CACNA2D3: variants seen among roughly 807,000 people sequenced by gnomAD.
CACNA2D3 encodes the protein calcium voltage-gated channel auxiliary subunit alpha2delta 3.
Under a neutral mutation model 160.6 loss-of-function variants are expected in CACNA2D3, and 60 were observed. The observed-to-expected ratio is 0.37, with a 90% CI of 0.30 to 0.46. CACNA2D3 has a LOEUF of 0.46. Ranked by LOEUF, CACNA2D3 falls within the 20% of genes least tolerant of loss-of-function variation. The probability of loss-of-function intolerance (pLI) is 1.00; values close to 1 mark genes in which losing one functional copy is unlikely to be tolerated. For synonymous variants in CACNA2D3, 558 were observed against 492.9 expected, an observed-to-expected ratio of 1.13 and a Z score of -1.75; for missense variants, 1,205 against 1,365.0, an observed-to-expected ratio of 0.88 and a Z score of 1.85.
intron 35 of CACNA2D3, among the ~76,000 whole-genome samples, chr3:55,020,737 A>G (rs358032): frequency 0.44 from 66,229 of 151,434 alleles, 16,565 homozygotes; most frequent in African/African-American, 0.7. Flanking sequence ...TGTAATCCCA[A>G]CTACTCGGGA....
At chr3:54,905,192 C>CT (rs1409483048) in intron 27 of CACNA2D3, among the ~76,000 whole-genome samples, 1 of 152,128 alleles carries the variant, frequency 6.6e-6, no homozygotes, top group East Asian at 1.9e-4. Flanking sequence ...ACACAGAACA[C>CT]TTTAGATCTG....
chr3:55,009,735 G>A (rs986730485), intron 34 of CACNA2D3, among the ~76,000 whole-genome samples: 2 of 152,170 alleles, frequency 1.3e-5, no homozygotes, highest in African/African-American at 2.4e-5. Context: ...AAGCTCATGG[G>A]CAATGCTGAA....
chr3:54,736,083 G>GTATATATATATACATACATATA lies in CACNA2D3; in HGVS notation c.1168-16513_1168-16512insATATATATACATACATATATAT, dbSNP rs1265902604. ...TATGTATATATATATACATATATAT[G>GTATATATATATACATACATATA]TATGTGTATATATATACATATATAT... On this transcript the variant is annotated intron_variant, in intron 11 of 37. Transcript: ENST00000474759. Among the ~76,000 whole-genome samples the GTATATATATATACATACATATA allele has an allele frequency of 6.1e-4, 21 of 34,222 alleles. 3 individuals are homozygous for GTATATATATATACATACATATA. Among genetic ancestry groups the GTATATATATATACATACATATA allele is most frequent in the East Asian group, 1.0e-3 (2 of 1,960 alleles). The allele number at this position is 34,222 out of a possible 152,430, so 22.5% of individuals were successfully genotyped here.
intron 13 of CACNA2D3, among the ~76,000 whole-genome samples, chr3:54,771,789 CAAG>C (rs909998496): frequency 1.3e-5 from 2 of 151,900 alleles, no homozygotes; most frequent in African/African-American, 2.4e-5. Context: ...AGCTTACACT[CAAG>C]GAGAGGGAAT....
chr3:54,218,298 C>T (rs1278443637), intron 2 of CACNA2D3, among the ~76,000 whole-genome samples: 1 of 152,212 alleles, frequency 6.6e-6, no homozygotes, highest in African/African-American at 2.4e-5. Flanking sequence ...ACCACCTAGA[C>T]TGGCACATGC....
rs144326215 is a variant in CACNA2D3 at position 54,905,615 on chromosome 3, G to A, written c.2449+5747G>A. Reference sequence around the variant, plus strand: ...CTGATTAAACCAGTAGTTTCCAACCGGGGGTGATTTTGCCACCAGGGGACA... The same window carrying A: ...CTGATTAAACCAGTAGTTTCCAACCAGGGGTGATTTTGCCACCAGGGGACA... On this transcript the variant is annotated intron_variant, in intron 27 of 37. Transcript: ENST00000474759. 7.2e-5 allele frequency among the ~76,000 whole-genome samples: 11 copies of A among 152,276 alleles called. No homozygotes were observed. The East Asian group carries it at 9.6e-4, about 13-fold the overall frequency.
intron 2 of CACNA2D3, among the ~76,000 whole-genome samples, chr3:54,315,148 G>GA (rs1305762675): frequency 2.0e-5 from 3 of 152,208 alleles, no homozygotes; most frequent in Non-Finnish European, 4.4e-5. Flanking sequence ...TTAGGGAACA[G>GA]AAGCCAGTTG....
intron 4 of CACNA2D3, among the ~76,000 whole-genome samples, chr3:54,440,275 A>G (rs1347744441): frequency 6.6e-6 from 1 of 152,160 alleles, no homozygotes; most frequent in Non-Finnish European, 1.5e-5. Context: ...GTTAGGAGGG[A>G]TATAAGCAGT....
chr3:54,257,822 C>G (rs1037888100), intron 2 of CACNA2D3, among the ~76,000 whole-genome samples: 6 of 152,112 alleles, frequency 3.9e-5, no homozygotes, highest in African/African-American at 1.2e-4. Flanking sequence ...ATTCAGTTGC[C>G]TTCAGAAGCT....
intron 9 of CACNA2D3, among the ~76,000 whole-genome samples, chr3:54,594,108 A>G (rs1702910296): frequency 6.6e-6 from 1 of 152,364 alleles, no homozygotes; most frequent in Non-Finnish European, 1.5e-5. Context: ...AACATTTTTC[A>G]TTAATCTCCA....
At chr3:54,783,152 T>G (rs1198366853) in intron 13 of CACNA2D3, among the ~76,000 whole-genome samples, 1 of 152,138 alleles carries the variant, frequency 6.6e-6, no homozygotes, top group African/African-American at 2.4e-5. Context: ...GAAGGTCTCC[T>G]GCATACGTGT....
At chr3:54,156,633 G>A (rs1260094725) in intron 2 of CACNA2D3, among the ~76,000 whole-genome samples, 1 of 152,230 alleles carries the variant, frequency 6.6e-6, no homozygotes, top group Non-Finnish European at 1.5e-5. Flanking sequence ...AAGTGATGAT[G>A]TGTGACTTCT....
chr3:54,155,124 TA>T (rs1486813339), intron 2 of CACNA2D3, among the ~76,000 whole-genome samples: 1 of 152,226 alleles, frequency 6.6e-6, no homozygotes, highest in African/African-American at 2.4e-5. Flanking sequence ...CCTCTCTCTG[TA>T]AAATGGAACA....
intron 2 of CACNA2D3, among the ~76,000 whole-genome samples, chr3:54,319,200 A>ACACACC (rs1049670394): frequency 8.9e-4 from 93 of 104,998 alleles, no homozygotes; most frequent in African/African-American, 2.9e-3. Context: ...ACACACACAC[A>ACACACC]CCCTTCCTCG....
At chr3:55,073,746 T>A (rs531215192) in intron 36 of CACNA2D3, 31 bp from the exon 37 acceptor site, 4 of 1,579,710 alleles carry the variant, frequency 2.5e-6, no homozygotes, top group Admixed American at 1.7e-5. Flanking sequence ...AAAAAAGCAA[T>A]CCTTGGAAAC....
At chr3:54,982,814 A>G (rs1193791383) in intron 29 of CACNA2D3, among the ~76,000 whole-genome samples, 2 of 151,592 alleles carry the variant, frequency 1.3e-5, no homozygotes, top group African/African-American at 2.4e-5. Flanking sequence ...TGACATTTCT[A>G]TACTGTCATG....
At chr3:54,250,508 A>C (rs62253169) in intron 2 of CACNA2D3, among the ~76,000 whole-genome samples, 2 of 152,058 alleles carry the variant, frequency 1.3e-5, no homozygotes. Context: ...ATTATAGCTC[A>C]CTGTAGCCTC....
intron 2 of CACNA2D3, among the ~76,000 whole-genome samples, chr3:54,229,364 G>C (rs1224602135): frequency 6.6e-6 from 1 of 151,702 alleles, no homozygotes; most frequent in Non-Finnish European, 1.5e-5. Flanking sequence ...GCTGATTTTT[G>C]TATTTTGTTT....
At chr3:54,350,460 G>A (rs546285961) in intron 3 of CACNA2D3, among the ~76,000 whole-genome samples, 9 of 152,280 alleles carry the variant, frequency 5.9e-5, no homozygotes, top group African/African-American at 2.2e-4. Flanking sequence ...AAGTCTGAGT[G>A]TCAGTGCAAG....
Sources: allele counts gnomAD v4.1 joint callset (sites outside exome capture counted in the v4.1 genomes callset), GRCh38; gene constraint gnomAD v4.1.1; transcripts MANE v1.5; gene names NCBI Gene and HGNC (gene_info 2026-07-23, HGNC 2026-07-21).